The following CYP2J2 variants were observed in gnomAD, a reference collection of about 807,000 sequenced individuals.
CYP2J2 encodes the protein cytochrome P450 2J2.
A neutral mutation model predicts 48.8 loss-of-function variants in CYP2J2; 41 were observed. The observed-to-expected ratio is 0.84, with a 90% CI of 0.66 to 1.09. The LOEUF is 1.09. CYP2J2 is among the 50% of genes least tolerant of loss of function. The pLI, the probability that CYP2J2 is intolerant of heterozygous loss-of-function variation, is 0.00. For missense variants in CYP2J2, 644 were observed against 617.3 expected, an observed-to-expected ratio of 1.04 and a Z score of -0.46; for synonymous variants, 221 against 227.1, an observed-to-expected ratio of 0.97 and a Z score of 0.24.
intron 1 of CYP2J2, 106 bp downstream of exon 1, chr1:59,926,431 T>C: frequency 1.1e-6 from 1 of 929,800 alleles, no homozygotes; most frequent in Non-Finnish European, 1.7e-6. Context: ...TAGCCACACC[T>C]CTTCCTGCCC....
chr1:59,967,220 C>T, the CYP2J2 span, among the ~76,000 whole-genome samples: 1 of 152,156 alleles, frequency 6.6e-6, no homozygotes, highest in African/African-American at 2.4e-5. Flanking sequence ...AGGAACAAAT[C>T]TCCAGGCCAT....
At chr1:59,916,725 C>G (rs1238237770) in intron 1 of CYP2J2, among the ~76,000 whole-genome samples, 1 of 152,090 alleles carries the variant, frequency 6.6e-6, no homozygotes, top group Admixed American at 6.5e-5. Context: ...AGAGTGAAAG[C>G]CTGTCTCAAT....
the CYP2J2 span, among the ~76,000 whole-genome samples, chr1:59,937,484 G>C: frequency 6.6e-6 from 1 of 151,946 alleles, no homozygotes; most frequent in African/African-American, 2.4e-5. Flanking sequence ...GCCATAGGCT[G>C]TGTGCCAAGC....
chr1:59,907,962 T>A (rs2102118688), intron 5 of CYP2J2, 35 bp from the exon 6 acceptor site: 1 of 1,608,888 alleles, frequency 6.2e-7, no homozygotes, highest in East Asian at 2.2e-5. Flanking sequence ...ATTTATTGGT[T>A]TATTCAGAGG....
At position 59,925,949 on chromosome 1, in the gene CYP2J2, A is replaced by G. The variant is rs556937204; in HGVS notation, c.210+588T>C. ...TGGTCACCAGAGTCGGGGAGCCCTG[A>G]TAGGAGATTATTGTATAGAGACGGA... is the stretch of plus-strand genomic sequence containing the variant. On this transcript the variant is annotated intron_variant, in intron 1 of 8. Coordinates refer to ENST00000371204, the MANE Select transcript of CYP2J2 (RefSeq NM_000775.4). Among the ~76,000 whole-genome samples, 78 of 152,292 alleles carry G rather than the reference A, an allele frequency of 5.1e-4. 1 individual carries two copies. Among genetic ancestry groups the G allele is most frequent in the Non-Finnish European group, 9.1e-4 (62 of 68,020 alleles).
At chr1:59,938,520 T>C in the CYP2J2 span, among the ~76,000 whole-genome samples, 2 of 152,216 alleles carry the variant, frequency 1.3e-5, no homozygotes, top group East Asian at 3.8e-4. Flanking sequence ...AACAACTCAG[T>C]GGAGTAAAGA....
rs1447822266 is a variant in CYP2J2, at chr1:59,912,195, G to T, written c.490C>A (p.Gln164Lys). ...SLEERIQEEA[Q>K]HLTEAIKEEN... ...TCTTTTATTGCTTCAGTGAGGTGTT[G>T]GGCCTCCTCCTGAATGCGTTCCTCT... The change falls in exon 3 of 9, where the codon CAA becomes AAA. Residue 164 changes from glutamine (Q) to lysine (K), a missense_variant. Coordinates refer to ENST00000371204, the MANE Select transcript of CYP2J2 (RefSeq NM_000775.4). 1 of 1,613,602 alleles carries T rather than the reference G, an allele frequency of 6.2e-7. No homozygotes were observed. The highest frequency in any genetic ancestry group is 1.3e-5 in the African/African-American group (1 of 74,866).
chr1:59,954,677 A>G, the CYP2J2 span, among the ~76,000 whole-genome samples: 1 of 152,080 alleles, frequency 6.6e-6, no homozygotes, highest in African/African-American at 2.4e-5. Flanking sequence ...AATATTTTAA[A>G]TATATTATAG....
chr1:59,955,771 G>A, the CYP2J2 span, among the ~76,000 whole-genome samples: 1 of 152,096 alleles, frequency 6.6e-6, no homozygotes, highest in Non-Finnish European at 1.5e-5. Flanking sequence ...AAAAAGTGAA[G>A]AAGGGGGTTG....
Position 59,903,888 on chromosome 1 carries a change from C to G in CYP2J2, c.1191+983G>C, listed in dbSNP as rs1194634540. Among the ~76,000 whole-genome samples the G allele has an allele frequency of 2.6e-5, 4 of 152,188 alleles. No individual in the cohort carries two copies. The East Asian group carries it at 7.7e-4, about 29-fold the overall frequency. ...CAAACCTAATTTTTCTGAGCCTTGA[C>G]TTCGCAATCCATAACATGGAAATAA... is the stretch of plus-strand genomic sequence containing the variant. On this transcript the variant is annotated intron_variant, in intron 7 of 8. Transcript: ENST00000371204.
At chr1:59,917,410 G>A in intron 1 of CYP2J2, among the ~76,000 whole-genome samples, 1 of 152,182 alleles carries the variant, frequency 6.6e-6, no homozygotes, top group South Asian at 2.1e-4. Context: ...CCACCTTACA[G>A]TAGTAATAGT....
the CYP2J2 span, among the ~76,000 whole-genome samples, chr1:59,959,752 T>C: frequency 6.6e-6 from 1 of 152,068 alleles, no homozygotes; most frequent in Admixed American, 6.6e-5. Flanking sequence ...CACAGCAACC[T>C]GGATGGAGTT....
At chr1:59,926,810 C>G, upstream of CYP2J2, 1 of 1,441,534 alleles carries the variant, frequency 6.9e-7, no homozygotes, top group South Asian at 1.2e-5. Flanking sequence ...GGCGACGGTC[C>G]CCGCCCCGCC....
chr1:59,914,312 T>C (rs1308448211), intron 2 of CYP2J2, among the ~76,000 whole-genome samples: 2 of 152,202 alleles, frequency 1.3e-5, no homozygotes, highest in East Asian at 3.8e-4. Context: ...TAGAATTAAC[T>C]GATGAAATAT....
At chr1:59,931,157 C>T (rs1644601025), upstream of CYP2J2, among the ~76,000 whole-genome samples, 1 of 152,102 alleles carries the variant, frequency 6.6e-6, no homozygotes, top group African/African-American at 2.4e-5. Flanking sequence ...CGGGTAAATG[C>T]AAACAATCAC....
intron 1 of CYP2J2, among the ~76,000 whole-genome samples, chr1:59,919,429 G>GCA (rs546186336): frequency 1.5e-4 from 23 of 152,338 alleles, no homozygotes; most frequent in Non-Finnish European, 3.1e-4. Flanking sequence ...GTGTGTGTGT[G>GCA]CACATGTGCA....
the CYP2J2 span, among the ~76,000 whole-genome samples, chr1:59,942,056 A>G: frequency 6.6e-6 from 1 of 152,232 alleles, no homozygotes; most frequent in Non-Finnish European, 1.5e-5. Context: ...TAAGTGCCTT[A>G]TACAGGGGTA....
chr1:59,916,169 G>T, intron 1 of CYP2J2, 69 bp from the exon 2 acceptor site: 1 of 1,344,284 alleles, frequency 7.4e-7, no homozygotes, highest in Non-Finnish European at 1.0e-6. Flanking sequence ...GAGGATGTGT[G>T]TAGCTGGAGG....
intron 4 of CYP2J2, among the ~76,000 whole-genome samples, chr1:59,910,540 T>G (rs1644404019): frequency 6.6e-6 from 1 of 152,210 alleles, no homozygotes; most frequent in African/African-American, 2.4e-5. Flanking sequence ...GTCATTTTCT[T>G]AAACCAAGGA....
Sources: gnomAD v4.1 joint callset for allele counts (sites outside exome capture counted in the v4.1 genomes callset) on GRCh38, gnomAD v4.1.1 for gene constraint, MANE v1.5 for transcripts, NCBI Gene and HGNC (gene_info 2026-07-23, HGNC 2026-07-21) for gene names.